The following MAPK10 variants were observed in gnomAD, a reference collection of about 807,000 sequenced individuals.
MAPK10 encodes the protein mitogen-activated protein kinase 10.
Under a neutral mutation model 59.3 loss-of-function variants are expected in MAPK10, and 25 were observed. That is an observed-to-expected ratio of 0.42 (90% CI 0.31 to 0.59). MAPK10 has a LOEUF of 0.59. MAPK10 is among the 20% of genes least tolerant of loss of function. The pLI, the probability that MAPK10 is intolerant of heterozygous loss-of-function variation, is 0.15. For synonymous variants in MAPK10, 190 were observed against 200.5 expected (o/e 0.95, Z 0.44); for missense variants, 351 against 568.9 (o/e 0.62, Z 3.90).
intron 2 of MAPK10, among the ~76,000 whole-genome samples, chr4:86,305,410 A>G (rs988047113): frequency 6.6e-6 from 1 of 152,246 alleles, no homozygotes; most frequent in African/African-American, 2.4e-5. Flanking sequence ...ATCATTTTCA[A>G]TAACTAAATG....
intron 1 of MAPK10, among the ~76,000 whole-genome samples, chr4:86,380,521 G>A (rs1452645478): frequency 6.6e-6 from 1 of 152,160 alleles, no homozygotes; most frequent in Non-Finnish European, 1.5e-5. Context: ...TTAGCCCTGA[G>A]CTTCAGGCCT....
At chr4:86,115,222 C>G (rs1035723945) in intron 4 of MAPK10, among the ~76,000 whole-genome samples, 11 of 152,164 alleles carry the variant, frequency 7.2e-5, no homozygotes, top group Non-Finnish European at 1.5e-4. Flanking sequence ...TGCACAGATC[C>G]ATGGAAAAAG....
intron 1 of MAPK10, among the ~76,000 whole-genome samples, chr4:86,365,632 T>A (rs942180864): frequency 1.3e-5 from 2 of 151,970 alleles, no homozygotes; most frequent in Admixed American, 6.6e-5. Flanking sequence ...TTTACAGTTA[T>A]CAAAACTTTT....
chr4:86,076,361 G>A lies in MAPK10; in HGVS notation c.803-8406C>T, dbSNP rs576697514. On this transcript the variant is annotated intron_variant, in intron 9 of 13. Transcript: ENST00000641462. Reference sequence around the variant, plus strand: ...GCAGAAATCACCCATCTTCTGCGTCGCTCACGCTGGGAGCTGTAGACCGGA... The same window carrying A: ...GCAGAAATCACCCATCTTCTGCGTCACTCACGCTGGGAGCTGTAGACCGGA... 2.6e-5 allele frequency among the ~76,000 whole-genome samples: 4 copies of A among 152,270 alleles called. No individual in the cohort carries two copies. In the South Asian group the frequency reaches 6.2e-4, roughly 24 times the overall value.
At chr4:86,314,939 G>C (rs1201282393) in intron 2 of MAPK10, among the ~76,000 whole-genome samples, 1 of 151,914 alleles carries the variant, frequency 6.6e-6, no homozygotes, top group African/African-American at 2.4e-5. Flanking sequence ...CCAACACATA[G>C]AATTATTTTT....
chr4:86,394,659 C>G (rs538781199), intron 1 of MAPK10, among the ~76,000 whole-genome samples: 14 of 152,130 alleles, frequency 9.2e-5, no homozygotes, highest in African/African-American at 3.4e-4. Flanking sequence ...GATACAATGA[C>G]TCGTGGAAAG....
intron 13 of MAPK10, chr4:86,027,840 C>A (rs1751135215): frequency 6.6e-6 from 1 of 151,898 alleles, no homozygotes; most frequent in African/African-American, 2.4e-5. Flanking sequence ...ACTAGTAGGA[C>A]CTATAGAAAG....
intron 2 of MAPK10, among the ~76,000 whole-genome samples, chr4:86,255,628 A>T (rs1041011485): frequency 4.6e-5 from 7 of 152,268 alleles, no homozygotes; most frequent in South Asian, 2.1e-4. Context: ...ACGTTTTTTT[A>T]AAAAATCAAG....
At chr4:86,106,644 G>C (rs894637641) in intron 5 of MAPK10, among the ~76,000 whole-genome samples, 1 of 151,574 alleles carries the variant, frequency 6.6e-6, no homozygotes, top group African/African-American at 2.4e-5. Flanking sequence ...GCTGAGTTCC[G>C]ATGAGAAAAA....
intron 4 of MAPK10, among the ~76,000 whole-genome samples, chr4:86,156,360 T>C (rs1204927164): frequency 1.3e-5 from 2 of 152,102 alleles, no homozygotes; most frequent in Non-Finnish European, 1.5e-5. Flanking sequence ...TTTACAATTC[T>C]ATGATTTTAT....
intron 13 of MAPK10, among the ~76,000 whole-genome samples, chr4:86,021,961 C>T (rs1220325213): frequency 1.3e-5 from 2 of 152,228 alleles, no homozygotes; most frequent in African/African-American, 4.8e-5. Flanking sequence ...AAGCGCCGCA[C>T]GCGGCCCGGG....
chr4:86,321,187 A>G (rs1285797004), intron 2 of MAPK10, among the ~76,000 whole-genome samples: 13 of 152,100 alleles, frequency 8.5e-5, no homozygotes, highest in South Asian at 2.1e-4. Context: ...CGATTCCTCA[A>G]GGATCTAGAA....
chr4:86,531,329 G>A (rs1757837647), intron 1 of MAPK10, among the ~76,000 whole-genome samples: 4 of 152,138 alleles, frequency 2.6e-5, no homozygotes, highest in Admixed American at 2.0e-4. Flanking sequence ...ACATCCCCTC[G>A]ATGAGGGTAC....
chr4:86,172,597 A>T (rs188213827), intron 3 of MAPK10, among the ~76,000 whole-genome samples: 549 of 150,934 alleles, frequency 3.6e-3, no homozygotes, highest in Admixed American at 9.2e-3. Context: ...GTGGGGAGGG[A>T]TAGCATTAGG....
At chr4:86,383,328 A>G (rs1274794136) in intron 1 of MAPK10, among the ~76,000 whole-genome samples, 1 of 152,148 alleles carries the variant, frequency 6.6e-6, no homozygotes, top group Non-Finnish European at 1.5e-5. Context: ...TGACTGGGGC[A>G]AGTTTATGTC....
At position 86,380,261 on chromosome 4, in the gene MAPK10, C is replaced by A. The variant is rs537163519; in HGVS notation, c.-121-25617G>T. Among the ~76,000 whole-genome samples the A allele has an allele frequency of 5.3e-5, 8 of 152,058 alleles. No individual in the cohort carries two copies. In the East Asian group the frequency reaches 9.7e-4, roughly 18 times the overall value. On this transcript the variant is annotated intron_variant, in intron 1 of 13. Transcript: ENST00000361569. ...AACAAACAAACAAAAAAAACCCCCCCAAAAAAACCTGTTTGTCTCAGCCTC... is the reference window on the plus strand; with the variant it reads ...AACAAACAAACAAAAAAAACCCCCCAAAAAAAACCTGTTTGTCTCAGCCTC...
intron 1 of MAPK10, among the ~76,000 whole-genome samples, chr4:86,548,588 G>A (rs1379278130): frequency 6.6e-6 from 1 of 152,178 alleles, no homozygotes; most frequent in African/African-American, 2.4e-5. Context: ...TCCTCCTAGT[G>A]ATAGGTTCCC....
rs374055548 is a variant in MAPK10, at chr4:86,470,073, T to C, written c.-262-115429A>G. Among the ~76,000 whole-genome samples, 4 of 152,324 alleles carry C rather than the reference T, an allele frequency of 2.6e-5. No homozygotes were observed. In the East Asian group the frequency reaches 7.7e-4, roughly 29 times the overall value. Reference sequence around the variant, plus strand: ...CCAAAAGTAAACACTGCTTTGCAGCTTTGTTTGTTAGCTACTTTCTTATTC... The same window carrying C: ...CCAAAAGTAAACACTGCTTTGCAGCCTTGTTTGTTAGCTACTTTCTTATTC... On this transcript the variant is annotated intron_variant, in intron 1 of 4. Transcript: ENST00000502302.
At chr4:86,033,741 T>C (rs1047665631) in intron 11 of MAPK10, among the ~76,000 whole-genome samples, 1 of 152,250 alleles carries the variant, frequency 6.6e-6, no homozygotes, top group Non-Finnish European at 1.5e-5. Context: ...CCTCTGCAAA[T>C]TTACTACATA....
Sources: gnomAD v4.1 joint callset for allele counts (sites outside exome capture counted in the v4.1 genomes callset) on GRCh38, gnomAD v4.1.1 for gene constraint, MANE v1.5 for transcripts, NCBI Gene and HGNC (gene_info 2026-07-23, HGNC 2026-07-21) for gene names.